Variants in CCSER1 observed in about 807,000 individuals in gnomAD.
CCSER1 encodes the protein coiled-coil serine rich protein 1, also known as serine-rich coiled-coil domain-containing protein 1.
In CCSER1, 41 loss-of-function variants were observed where a neutral mutation model predicts 82.0. The observed-to-expected ratio is 0.50, with a 90% CI of 0.39 to 0.65. The LOEUF is 0.65. CCSER1 is among the 30% of genes least tolerant of loss of function. The pLI, the probability that CCSER1 is intolerant of heterozygous loss-of-function variation, is 0.00. For synonymous variants in CCSER1, 414 were observed against 383.9 expected (o/e 1.08, Z -0.92); for missense variants, 1,119 against 1,064.2 (o/e 1.05, Z -0.72).
At chr4:90,751,500 A>G (rs1023292399) in intron 7 of CCSER1, among the ~76,000 whole-genome samples, 10 of 152,022 alleles carry the variant, frequency 6.6e-5, no homozygotes, top group African/African-American at 2.4e-4. Context: ...TCCTTGAGGG[A>G]AAAAAAGTAC....
intron 10 of CCSER1, among the ~76,000 whole-genome samples, chr4:91,124,263 G>A (rs1313219182): frequency 6.6e-6 from 1 of 151,710 alleles, no homozygotes; most frequent in Non-Finnish European, 1.5e-5. Flanking sequence ...TTAGAAGAGA[G>A]TTACATCTGT....
At chr4:91,477,216 A>G (rs940991416) in intron 10 of CCSER1, among the ~76,000 whole-genome samples, 48 of 151,880 alleles carry the variant, frequency 3.2e-4, no homozygotes, top group Non-Finnish European at 6.9e-4. Context: ...CAAATAACTT[A>G]ATAGTAAAAA....
chr4:90,937,504 A>ACACACACACACACACACACACACAC (rs757870134), intron 9 of CCSER1, among the ~76,000 whole-genome samples: 7 of 77,736 alleles, frequency 9.0e-5, no homozygotes, highest in African/African-American at 2.8e-4. Context: ...CACACACACA[A>ACACACACACACACACACACACACAC]ACACACACAC....
chr4:90,838,478 CATA>C (rs943654622), intron 8 of CCSER1, among the ~76,000 whole-genome samples: 4 of 142,808 alleles, frequency 2.8e-5, no homozygotes, highest in East Asian at 2.0e-4. Flanking sequence ...ATAAATATTT[CATA>C]ATATTTTTTT....
At chr4:90,919,907 A>G (rs1177832431) in intron 8 of CCSER1, among the ~76,000 whole-genome samples, 1 of 151,960 alleles carries the variant, frequency 6.6e-6, no homozygotes, top group East Asian at 1.9e-4. Context: ...TGTTTTATTA[A>G]TCATAAATGT....
At chr4:90,497,737 C>T (rs1481677480) in intron 5 of CCSER1, among the ~76,000 whole-genome samples, 1 of 152,192 alleles carries the variant, frequency 6.6e-6, no homozygotes, top group Non-Finnish European at 1.5e-5. Context: ...AACAGCTACA[C>T]ATCTCAATGG....
At chr4:90,357,841 T>A (rs888487602) in intron 3 of CCSER1, among the ~76,000 whole-genome samples, 2 of 152,152 alleles carry the variant, frequency 1.3e-5, no homozygotes, top group Admixed American at 6.5e-5. Context: ...CAAGAAGCAG[T>A]AAAAGGGCAT....
intron 10 of CCSER1, among the ~76,000 whole-genome samples, chr4:91,434,007 A>C (rs932776987): frequency 6.6e-6 from 1 of 152,204 alleles, no homozygotes; most frequent in African/African-American, 2.4e-5. Context: ...AGGCATTGAG[A>C]CCGCTTGAGG....
At chr4:90,740,683 A>G (rs2149441255) in intron 7 of CCSER1, among the ~76,000 whole-genome samples, 1 of 152,266 alleles carries the variant, frequency 6.6e-6, no homozygotes, top group South Asian at 2.1e-4. Context: ...TTCCTTCTAC[A>G]GTTCACACAT....
chr4:90,815,410 A>G (rs1260786967), intron 7 of CCSER1, among the ~76,000 whole-genome samples: 1 of 152,190 alleles, frequency 6.6e-6, no homozygotes, highest in African/African-American at 2.4e-5. Flanking sequence ...ATGTATGCAC[A>G]AACATGAGAG....
intron 8 of CCSER1, among the ~76,000 whole-genome samples, chr4:90,890,579 A>G (rs546070043): frequency 9.9e-5 from 15 of 152,106 alleles, no homozygotes; most frequent in Non-Finnish European, 2.1e-4. Context: ...CTCTTCACCA[A>G]TGACTTGGCC....
intron 10 of CCSER1, among the ~76,000 whole-genome samples, chr4:91,371,567 C>A (rs1750053134): frequency 6.6e-6 from 1 of 152,034 alleles, no homozygotes. Context: ...TTTCTTTATT[C>A]ATTCATCCGT....
At chr4:91,323,897 C>T (rs1746369597) in intron 10 of CCSER1, among the ~76,000 whole-genome samples, 3 of 152,176 alleles carry the variant, frequency 2.0e-5, no homozygotes, top group Admixed American at 6.6e-5. Flanking sequence ...TCTGTTTCTG[C>T]ATCTCTGAAA....
chr4:90,526,020 AT>A (rs1304254258), intron 5 of CCSER1, among the ~76,000 whole-genome samples: 1 of 152,174 alleles, frequency 6.6e-6, no homozygotes, highest in Non-Finnish European at 1.5e-5. Context: ...AGTTAAAAAA[AT>A]ATTTTGTTAG....
chr4:91,313,185 A>C (rs1235920903), intron 10 of CCSER1, among the ~76,000 whole-genome samples: 1 of 151,936 alleles, frequency 6.6e-6, no homozygotes, highest in African/African-American at 2.4e-5. Context: ...GTACTTAAAC[A>C]TATTTTCTAT....
At chr4:90,454,777 C>G (rs1761965937) in intron 4 of CCSER1, among the ~76,000 whole-genome samples, 1 of 152,168 alleles carries the variant, frequency 6.6e-6, no homozygotes, top group Non-Finnish European at 1.5e-5. Flanking sequence ...AGTTAAAATA[C>G]TTGGGTTAAA....
chr4:90,764,786 T>A (rs969137740), intron 7 of CCSER1, among the ~76,000 whole-genome samples: 1 of 152,116 alleles, frequency 6.6e-6, no homozygotes, highest in Non-Finnish European at 1.5e-5. Flanking sequence ...AGTTGAAAGC[T>A]CCCAACCCAT....
intron 10 of CCSER1, among the ~76,000 whole-genome samples, chr4:91,556,420 A>T (rs1422768614): frequency 6.6e-6 from 1 of 151,054 alleles, no homozygotes; most frequent in Non-Finnish European, 1.5e-5. Context: ...AATCAGTAAT[A>T]GTAGAATAAT....
intron 10 of CCSER1, among the ~76,000 whole-genome samples, chr4:91,407,629 G>A (rs996405379): frequency 6.6e-5 from 10 of 152,134 alleles, no homozygotes; most frequent in African/African-American, 1.9e-4. Flanking sequence ...CTTCTGATGC[G>A]GGAGCTTCAG....
Sources: allele counts gnomAD v4.1 joint callset (sites outside exome capture counted in the v4.1 genomes callset), GRCh38; gene constraint gnomAD v4.1.1; transcripts MANE v1.5; gene names NCBI Gene and HGNC (gene_info 2026-07-23, HGNC 2026-07-21).